FGF12: variants seen among roughly 807,000 people sequenced by gnomAD.
FGF12 encodes the protein fibroblast growth factor 12B.
FGF12 carries 14 observed loss-of-function variants against 23.6 expected under a neutral mutation model. That is an observed-to-expected ratio of 0.59 (90% CI 0.39 to 0.93). The LOEUF is 0.93. Among genes scored for constraint, FGF12 ranks in the 40% least tolerant of loss-of-function variants. The probability of loss-of-function intolerance (pLI) is 0.00; values close to 1 mark genes in which losing one functional copy is unlikely to be tolerated. For missense variants in FGF12, 175 were observed against 217.8 expected (o/e 0.80, Z 1.24); for synonymous variants, 62 against 77.3 (o/e 0.80, Z 1.04).
At chr3:192,567,576 G>T (rs1577057852) in intron 2 of FGF12, among the ~76,000 whole-genome samples, 1 of 152,218 alleles carries the variant, frequency 6.6e-6, no homozygotes, top group East Asian at 1.9e-4. Context: ...GAGGTCTGAA[G>T]TCCAAAATCA....
chr3:192,199,693 C>T (rs144050005), intron 4 of FGF12, among the ~76,000 whole-genome samples: 275 of 152,264 alleles, frequency 1.8e-3, no homozygotes, highest in Non-Finnish European at 3.2e-3. Flanking sequence ...AAATGATATT[C>T]CTTGCCAATC....
intron 4 of FGF12, among the ~76,000 whole-genome samples, chr3:192,198,502 C>T (rs1460674643): frequency 6.6e-6 from 1 of 152,086 alleles, no homozygotes; most frequent in Non-Finnish European, 1.5e-5. Flanking sequence ...TTCATGACCT[C>T]ACTTATTCAG....
At chr3:192,249,838 GT>G (rs1486326671) in intron 4 of FGF12, among the ~76,000 whole-genome samples, 3 of 152,108 alleles carry the variant, frequency 2.0e-5, no homozygotes, top group African/African-American at 7.2e-5. Flanking sequence ...CATTCTATCA[GT>G]TTTTATGTGA....
chr3:192,501,995 C>A (rs9836817), intron 2 of FGF12, among the ~76,000 whole-genome samples: 12 of 152,040 alleles, frequency 7.9e-5, no homozygotes, highest in Non-Finnish European at 1.5e-4. Flanking sequence ...ACTCTTCAAG[C>A]AGTAGGGTGA....
At chr3:192,584,337 T>C (rs1713285147) in intron 2 of FGF12, among the ~76,000 whole-genome samples, 1 of 152,078 alleles carries the variant, frequency 6.6e-6, no homozygotes, top group Non-Finnish European at 1.5e-5. Flanking sequence ...AAGAATATTA[T>C]TTGCAGTCTT....
intron 2 of FGF12, among the ~76,000 whole-genome samples, chr3:192,403,396 C>T (rs1720839132): frequency 6.6e-6 from 1 of 152,254 alleles, no homozygotes; most frequent in Non-Finnish European, 1.5e-5. Flanking sequence ...ATCAAGAGAT[C>T]ACAATAACTG....
intron 2 of FGF12, among the ~76,000 whole-genome samples, chr3:192,610,994 C>A (rs1451588639): frequency 1.1e-4 from 16 of 152,034 alleles, no homozygotes; most frequent in Admixed American, 1.1e-3. Context: ...CCTCTTTAGC[C>A]CTTATCATGA....
At chr3:192,644,479 C>G (rs1324223404) in intron 2 of FGF12, among the ~76,000 whole-genome samples, 1 of 152,058 alleles carries the variant, frequency 6.6e-6, no homozygotes, top group Non-Finnish European at 1.5e-5. Flanking sequence ...CATCATGATT[C>G]ACCAACAACA....
rs976203064 is a variant in FGF12 at position 192,503,963 on chromosome 3, G to T, written c.14-143425C>A. ...CCTAAATGTCCATCAGTGGTAGACTGGATAAAGAAAATGTGGTACATTCAC... is the reference window on the plus strand; with the variant it reads ...CCTAAATGTCCATCAGTGGTAGACTTGATAAAGAAAATGTGGTACATTCAC... On this transcript the variant is annotated intron_variant, in intron 2 of 5. Transcript: ENST00000445105. 2.0e-5 allele frequency among the ~76,000 whole-genome samples: 3 copies of T among 151,792 alleles called. No homozygotes were observed. In the South Asian group the frequency reaches 6.3e-4, roughly 32 times the overall value.
At chr3:192,179,029 A>G (rs1026447753) in intron 4 of FGF12, among the ~76,000 whole-genome samples, 8 of 152,192 alleles carry the variant, frequency 5.3e-5, no homozygotes, top group Non-Finnish European at 1.0e-4. Context: ...GAACTTGAAA[A>G]TCCTTGCTAT....
At chr3:192,200,266 T>C (rs998409024) in intron 4 of FGF12, among the ~76,000 whole-genome samples, 1 of 151,886 alleles carries the variant, frequency 6.6e-6, no homozygotes, top group African/African-American at 2.4e-5. Flanking sequence ...GAGGCAGAAG[T>C]TGCAGTGAGC....
At chr3:192,217,937 A>T (rs1718277104) in intron 4 of FGF12, among the ~76,000 whole-genome samples, 1 of 151,918 alleles carries the variant, frequency 6.6e-6, no homozygotes, top group Non-Finnish European at 1.5e-5. Context: ...CCTGGGTTCA[A>T]GCAATTCTCC....
intron 5 of FGF12, among the ~76,000 whole-genome samples, chr3:192,163,720 G>C (rs1465666777): frequency 6.6e-6 from 1 of 152,030 alleles, no homozygotes; most frequent in African/African-American, 2.4e-5. Flanking sequence ...ACTGATGTTT[G>C]GGAAATGACA....
rs73056400 is a variant in FGF12 at position 192,532,821 on chromosome 3, T to A, written c.14-172283A>T. The stretch of plus-strand genomic sequence containing the variant: ...TATTTCTTATGGTTTTTTGCTTGTT[T>A]ATTTTTTTCTTCTATGAGACAATTC... On this transcript the variant is annotated intron_variant, in intron 2 of 5. Coordinates refer to ENST00000445105, the MANE Select transcript of FGF12 (RefSeq NM_004113.6). 1.0e-2 allele frequency among the ~76,000 whole-genome samples: 1,520 copies of A among 152,316 alleles called. 15 individuals are homozygous for A. Among genetic ancestry groups the A allele is most frequent in the African/African-American group, 0.03 (1,261 of 41,564 alleles).
intron 4 of FGF12, among the ~76,000 whole-genome samples, chr3:192,196,201 T>C (rs1577224960): frequency 6.6e-6 from 1 of 152,188 alleles, no homozygotes; most frequent in East Asian, 1.9e-4. Context: ...CCCATGTTTA[T>C]TGCAGCACTA....
chr3:192,473,068 C>T (rs982395461), intron 2 of FGF12, among the ~76,000 whole-genome samples: 11 of 152,150 alleles, frequency 7.2e-5, no homozygotes, highest in Admixed American at 3.9e-4. Context: ...CATGTTTTTA[C>T]TCACTGTGAT....
chr3:192,261,980 G>A (rs1014823577), intron 4 of FGF12, among the ~76,000 whole-genome samples: 2 of 152,178 alleles, frequency 1.3e-5, no homozygotes, highest in African/African-American at 4.8e-5. Context: ...AGACAACAGA[G>A]GTGCCCCCTT....
intron 2 of FGF12, among the ~76,000 whole-genome samples, chr3:192,380,770 A>G (rs1291965882): frequency 6.6e-6 from 1 of 152,104 alleles, no homozygotes; most frequent in Non-Finnish European, 1.5e-5. Flanking sequence ...ATCTAATAGC[A>G]AGGGAAAGAA....
At chr3:192,504,478 G>A (rs940573804) in intron 2 of FGF12, among the ~76,000 whole-genome samples, 4 of 152,160 alleles carry the variant, frequency 2.6e-5, no homozygotes, top group African/African-American at 9.7e-5. Flanking sequence ...CCAGAGTATT[G>A]GAAATAAGAG....
Sources: allele counts gnomAD v4.1 joint callset (sites outside exome capture counted in the v4.1 genomes callset), GRCh38; gene constraint gnomAD v4.1.1; transcripts MANE v1.5; gene names NCBI Gene and HGNC (gene_info 2026-07-23, HGNC 2026-07-21).